Variants in ADGRL3 observed in about 807,000 individuals in gnomAD.
ADGRL3 encodes the protein adhesion G protein-coupled receptor L3.
A neutral mutation model predicts 153.5 loss-of-function variants in ADGRL3; 62 were observed. The observed-to-expected ratio is 0.40, with a 90% confidence interval of 0.33 to 0.50. The LOEUF is 0.50. ADGRL3 is among the 20% of genes least tolerant of loss of function. The pLI is 0.47. For missense variants in ADGRL3, 1,641 were observed against 1,859.4 expected (o/e 0.88, Z 2.16); for synonymous variants, 710 against 672.5 (o/e 1.06, Z -0.86).
At chr4:61,673,501 T>C (rs2095076531) in intron 5 of ADGRL3, among the ~76,000 whole-genome samples, 1 of 151,756 alleles carries the variant, frequency 6.6e-6, no homozygotes, top group Admixed American at 6.6e-5. Flanking sequence ...TTTATCTCAC[T>C]TTTTTCATCT....
intron 8 of ADGRL3, among the ~76,000 whole-genome samples, chr4:61,795,977 G>A (rs992085612): frequency 2.0e-5 from 3 of 152,010 alleles, no homozygotes; most frequent in Non-Finnish European, 4.4e-5. Context: ...CGAGTAGCTG[G>A]GATTACAGAC....
In ADGRL3 at chr4:61,994,503, GT is replaced by G. The variant is rs550849894; in HGVS notation, c.3237-1777del. Among the ~76,000 whole-genome samples the G allele has an allele frequency of 5.6e-4, 80 of 143,630 alleles. 1 individual carries two copies. The highest frequency in any genetic ancestry group is 6.8e-4 in the Non-Finnish European group (44 of 64,988). 94.2% of individuals were successfully genotyped at this position (143,630 alleles called of 152,430 possible). On this transcript the variant is annotated intron_variant, in intron 19 of 26. Transcript: ENST00000683033. Reference sequence around the variant, plus strand: ...TGTAGGCAATCTGTTTTGGTTCAAGGTTTTTTTTTTTGCTTAAAAATCTAGC... The same window carrying G: ...TGTAGGCAATCTGTTTTGGTTCAAGGTTTTTTTTTTGCTTAAAAATCTAGC...
intron 2 of ADGRL3, among the ~76,000 whole-genome samples, chr4:61,404,564 A>G (rs1040091652): frequency 1.3e-5 from 2 of 152,102 alleles, no homozygotes; most frequent in African/African-American, 4.8e-5. Context: ...TGGCTTGAAT[A>G]CTTATTATTG....
chr4:61,572,208 A>T (rs2098841874), intron 4 of ADGRL3, among the ~76,000 whole-genome samples: 1 of 152,192 alleles, frequency 6.6e-6, no homozygotes, highest in African/African-American at 2.4e-5. Context: ...AAAACACTAT[A>T]ATCATGCAAT....
At chr4:61,925,624 G>A (rs2098791147) in intron 13 of ADGRL3, among the ~76,000 whole-genome samples, 1 of 152,058 alleles carries the variant, frequency 6.6e-6, no homozygotes, top group South Asian at 2.1e-4. Context: ...CATTGCAAAA[G>A]CAGGAGCAAG....
At chr4:61,231,337 G>C (rs1316098793) in intron 1 of ADGRL3, among the ~76,000 whole-genome samples, 3 of 152,122 alleles carry the variant, frequency 2.0e-5, no homozygotes, top group Non-Finnish European at 2.9e-5. Flanking sequence ...AACAGAAATT[G>C]GAAGACATGC....
chr4:61,718,124 G>T (rs2096161689), intron 6 of ADGRL3, among the ~76,000 whole-genome samples: 1 of 151,964 alleles, frequency 6.6e-6, no homozygotes, highest in South Asian at 2.1e-4. Context: ...TTGTTTTTTG[G>T]GTTTTGGTGG....
intron 2 of ADGRL3, among the ~76,000 whole-genome samples, chr4:61,430,303 C>T (rs1156707876): frequency 1.3e-5 from 2 of 152,098 alleles, no homozygotes; most frequent in African/African-American, 2.4e-5. Context: ...GATGGCTTTG[C>T]AGGTATGAAG....
intron 17 of ADGRL3, among the ~76,000 whole-genome samples, chr4:61,962,191 A>T (rs2098990563): frequency 6.6e-6 from 1 of 151,762 alleles, no homozygotes; most frequent in Non-Finnish European, 1.5e-5. Context: ...GTGAGCCGAG[A>T]TCACACCACT....
rs192210727 is a variant in ADGRL3 at position 61,909,615 on chromosome 4, G to T, written c.1943G>T (p.Arg648Ile). 405 of 1,613,612 alleles carry T rather than the reference G, an allele frequency of 2.5e-4. 2 individuals are homozygous for T. The East Asian group carries it at 7.2e-3, about 29-fold the overall frequency. ...GCTAGAGAGCTGGCTGAACAGACAA[G>T]AAATCACTTGAATGCTGGGGACATC... ...NIARELAEQT[R>I]NHLNAGDITY... Residue 648 changes from arginine (R) to isoleucine (I), a missense_variant, in exon 12 of 27, where the codon AGA becomes ATA. Arg to Ile is a moderately conservative substitution (Grantham distance 97, BLOSUM62 -3). Transcript: ENST00000683033.
intron 3 of ADGRL3, among the ~76,000 whole-genome samples, chr4:61,503,529 G>T (rs532126315): frequency 2.0e-5 from 3 of 151,734 alleles, no homozygotes; most frequent in African/African-American, 7.2e-5. Flanking sequence ...CAGTGTAATT[G>T]GGTTATTTAT....
intron 18 of ADGRL3, among the ~76,000 whole-genome samples, chr4:61,982,528 A>C (rs76136516): frequency 0.17 from 25,993 of 152,132 alleles, 2,758 homozygotes; most frequent in East Asian, 0.43. Flanking sequence ...GACCTTTTCT[A>C]GTAGCAGTTA....
intron 4 of ADGRL3, among the ~76,000 whole-genome samples, chr4:61,519,235 T>G (rs1170574321): frequency 6.6e-6 from 1 of 152,204 alleles, no homozygotes; most frequent in African/African-American, 2.4e-5. Flanking sequence ...CCAGTTTTTA[T>G]AGCTTAATAA....
chr4:61,517,759 A>C (rs1314555650), intron 4 of ADGRL3, among the ~76,000 whole-genome samples: 1 of 152,130 alleles, frequency 6.6e-6, no homozygotes, highest in African/African-American at 2.4e-5. Flanking sequence ...AAAATACTTG[A>C]TTGGGTTTGA....
intron 11 of ADGRL3, among the ~76,000 whole-genome samples, chr4:61,904,342 T>A (rs1427121525): frequency 2.0e-5 from 3 of 148,612 alleles, no homozygotes; most frequent in Non-Finnish European, 4.5e-5. Context: ...AGAGATGGGG[T>A]TTCGCTGTGT....
intron 4 of ADGRL3, among the ~76,000 whole-genome samples, chr4:61,519,119 T>G (rs2098515081): frequency 6.6e-6 from 1 of 152,186 alleles, no homozygotes; most frequent in Non-Finnish European, 1.5e-5. Context: ...AATCAGCAAC[T>G]AATGTAAACA....
chr4:61,879,226 A>T (rs992785419), intron 9 of ADGRL3, among the ~76,000 whole-genome samples: 8 of 152,164 alleles, frequency 5.3e-5, no homozygotes, highest in African/African-American at 1.9e-4. Flanking sequence ...TACTAAAATA[A>T]ATATAAGAAT....
intron 24 of ADGRL3, 25 bp from the exon 25 acceptor site, chr4:62,044,428 T>G: frequency 6.7e-7 from 1 of 1,503,008 alleles, no homozygotes; most frequent in Non-Finnish European, 9.1e-7. Context: ...GAGTTCATTT[T>G]CTTTCTGCCT....
At chr4:61,295,798 C>G (rs1472734196) in intron 1 of ADGRL3, among the ~76,000 whole-genome samples, 1 of 140,198 alleles carries the variant, frequency 7.1e-6, no homozygotes, top group Non-Finnish European at 1.6e-5. Flanking sequence ...TGTCACTACA[C>G]AGATTTAAAA....
Sources: gnomAD v4.1 joint callset for allele counts (sites outside exome capture counted in the v4.1 genomes callset) on GRCh38, gnomAD v4.1.1 for gene constraint, MANE v1.5 for transcripts, NCBI Gene and HGNC (gene_info 2026-07-23, HGNC 2026-07-21) for gene names.